NUDCD1: variants seen among roughly 807,000 people sequenced by gnomAD.
NUDCD1 encodes the protein NudC domain containing 1.
Under a neutral mutation model 67.8 loss-of-function variants are expected in NUDCD1, and 60 were observed. The observed-to-expected ratio is 0.88, with a 90% confidence interval of 0.72 to 1.10. NUDCD1 has a LOEUF of 1.10. NUDCD1 is among the 50% of genes least tolerant of loss of function. The probability of loss-of-function intolerance (pLI) is 0.00; values close to 1 mark genes in which losing one functional copy is unlikely to be tolerated. For missense variants in NUDCD1, 643 were observed against 695.0 expected (o/e 0.93, Z 0.84); for synonymous variants, 244 against 230.8 (o/e 1.06, Z -0.52).
intron 6 of NUDCD1, among the ~76,000 whole-genome samples, chr8:109,279,430 C>T (rs933222173): frequency 6.6e-6 from 1 of 152,034 alleles, no homozygotes; most frequent in Non-Finnish European, 1.5e-5. Flanking sequence ...AATAATTTGA[C>T]CATTTAAAAA....
In NUDCD1 at chr8:109,314,739, T is replaced by C. The variant is rs1031030844; in HGVS notation, c.273+7570A>G. On this transcript the variant is annotated intron_variant, in intron 2 of 9. Transcript: ENST00000239690. ...TGCCTGGGTCAATATAGATGTAATA[T>C]AAAAATTATAATGCCCATATATTAT... Among the ~76,000 whole-genome samples the C allele has an allele frequency of 7.2e-5, 11 of 152,024 alleles. No individual in the cohort carries two copies. The South Asian group carries it at 2.3e-3, about 32-fold the overall frequency.
intron 1 of NUDCD1, among the ~76,000 whole-genome samples, chr8:109,331,515 CAAA>C (rs59203626): frequency 1.4e-3 from 90 of 65,866 alleles, no homozygotes; most frequent in African/African-American, 3.9e-3. Flanking sequence ...GACTCAGACT[CAAA>C]AAAAAAAAAA....
At position 109,244,012 on chromosome 8, in the gene NUDCD1, T is replaced by C. The variant is rs549484540; in HGVS notation, c.1460-711A>G. ...TTTTGGATTAAAACAACATTTATATTCCAAAATATAAATTATGATTTTTAG... is the reference window on the plus strand; with the variant it reads ...TTTTGGATTAAAACAACATTTATATCCCAAAATATAAATTATGATTTTTAG... On this transcript the variant is annotated intron_variant, in intron 9 of 9. Transcript: ENST00000239690. Among the ~76,000 whole-genome samples, 100 of 152,238 alleles carry C rather than the reference T, an allele frequency of 6.6e-4. 1 individual carries two copies. Among genetic ancestry groups the C allele is most frequent in the Middle Eastern group, 3.4e-3 (1 of 294 alleles).
At chr8:109,314,056 C>A (rs1461924187) in intron 2 of NUDCD1, among the ~76,000 whole-genome samples, 2 of 152,088 alleles carry the variant, frequency 1.3e-5, no homozygotes, top group South Asian at 4.1e-4. Context: ...AATAAAATAT[C>A]TTTTTCTCTA....
intron 8 of NUDCD1, among the ~76,000 whole-genome samples, chr8:109,267,605 T>C (rs1375254540): frequency 1.3e-5 from 2 of 152,068 alleles, no homozygotes; most frequent in Admixed American, 6.6e-5. Context: ...AAAAAGAAAG[T>C]TTGGTTTAAA....
intron 2 of NUDCD1, among the ~76,000 whole-genome samples, chr8:109,312,288 G>C (rs1048303753): frequency 8.5e-6 from 1 of 118,004 alleles, no homozygotes; most frequent in East Asian, 2.4e-4. Context: ...GCAACAGAGC[G>C]AGACACTGTC....
Position 109,276,968 on chromosome 8 carries a change from A to G in NUDCD1, c.1029-1472T>C, listed in dbSNP as rs115190339. On this transcript the variant is annotated intron_variant, in intron 6 of 9. Transcript: ENST00000239690. ...GTGAGCCACCGTGCCCAGCCCCCAG[A>G]CTGAGTTACATTTTCTAAGGATAAA... Among the ~76,000 whole-genome samples, 490 of 152,206 alleles carry G rather than the reference A, an allele frequency of 3.2e-3. 3 individuals carry two copies. Among genetic ancestry groups the G allele is most frequent in the African/African-American group, 0.011 (451 of 41,504 alleles).
chr8:109,284,114 G>A (rs1563671296), intron 5 of NUDCD1, among the ~76,000 whole-genome samples: 1 of 151,988 alleles, frequency 6.6e-6, no homozygotes, highest in Non-Finnish European at 1.5e-5. Context: ...CTATGCAAAT[G>A]GAAAACAGAA....
At position 109,241,763 on chromosome 8, in the gene NUDCD1, G is replaced by C. The variant is rs1053262343; in HGVS notation, c.*1246C>G. On this transcript the variant is annotated 3_prime_UTR_variant, in exon 10 of 10. Coordinates refer to ENST00000239690, the MANE Select transcript of NUDCD1 (RefSeq NM_032869.4). ...CAAATACTTGCCCAGACAGGCAAAA[G>C]ATATGTTAGGAACAAAGCTTTTCTA... 4.2e-6 allele frequency: 1 copy of C among 240,270 alleles called. No homozygotes were observed. The highest frequency in any genetic ancestry group is 7.9e-6 in the Non-Finnish European group (1 of 126,874). 14.9% of individuals were successfully genotyped at this position (240,270 alleles called of 1,614,324 possible). A position where few individuals can be genotyped will look rare whatever the true frequency, so the allele number is the denominator to read the frequency against.
intron 5 of NUDCD1, among the ~76,000 whole-genome samples, chr8:109,288,282 A>G (rs907543082): frequency 1.3e-5 from 2 of 152,160 alleles, no homozygotes; most frequent in African/African-American, 4.8e-5. Flanking sequence ...CTGTCTTGGA[A>G]CTGCATGGTT....
At chr8:109,293,632 T>C in intron 3 of NUDCD1, 108 bp from the exon 4 acceptor site, 1 of 499,146 alleles carries the variant, frequency 2.0e-6, no homozygotes, top group Non-Finnish European at 3.3e-6. Flanking sequence ...TTTTGGATAC[T>C]ATTTATTACA....
intron 3 of NUDCD1, 83 bp downstream of exon 3, chr8:109,296,301 T>C: frequency 9.0e-7 from 1 of 1,117,136 alleles, no homozygotes; most frequent in Non-Finnish European, 1.3e-6. Flanking sequence ...TAAACCATCC[T>C]TGAAAAGTGT....
intron 2 of NUDCD1, among the ~76,000 whole-genome samples, chr8:109,302,792 C>T (rs971521701): frequency 3.9e-4 from 60 of 152,272 alleles, no homozygotes; most frequent in East Asian, 1.9e-4. Flanking sequence ...GACGCTTTAC[C>T]GCCCTAGACC....
Position 109,293,370 on chromosome 8 carries a change from C to T in NUDCD1, c.614G>A (p.Trp205Ter). 2 of 1,572,278 alleles carry T rather than the reference C, an allele frequency of 1.3e-6. No individual in the cohort carries two copies. The highest frequency in any genetic ancestry group is 1.7e-6 in the Non-Finnish European group (2 of 1,161,344). ...TTGATTTTTCTTACTGATAGTGACC[C>T]ACTCCAGAGAAACATAGAAACCACT... ...KGSGFYVSLE[W>*]VTISKKNQDN... The change falls in exon 4 of 10, where the codon TGG (tryptophan) becomes TAG (stop). Residue 205 changes from tryptophan to a stop codon, truncating the protein, a stop_gained. Transcript: ENST00000239690. LOFTEE classifies it high-confidence loss of function.
At chr8:109,314,735 A>T (rs138506070) in intron 2 of NUDCD1, among the ~76,000 whole-genome samples, 1 of 152,128 alleles carries the variant, frequency 6.6e-6, no homozygotes, top group Admixed American at 6.5e-5. Flanking sequence ...ATATAGATGT[A>T]ATATAAAAAT....
At chr8:109,309,219 C>G (rs1815181273) in intron 2 of NUDCD1, among the ~76,000 whole-genome samples, 1 of 152,148 alleles carries the variant, frequency 6.6e-6, no homozygotes, top group Non-Finnish European at 1.5e-5. Flanking sequence ...TAACAAAATA[C>G]TAGCTAACTG....
At position 109,334,025 on chromosome 8, in the gene NUDCD1, G is replaced by C; in HGVS notation, c.-15C>G. ...GCCACCTCCATCGCTTTCCAGGGCC[G>C]CAGCGTGAGAATTAATAAAGCCCTT... On this transcript the variant is annotated 5_prime_UTR_variant, in exon 1 of 10. Transcript: ENST00000239690. 6.2e-7 allele frequency: 1 copy of C among 1,613,942 alleles called. No individual in the cohort carries two copies. The highest frequency in any genetic ancestry group is 8.5e-7 in the Non-Finnish European group (1 of 1,179,932).
intron 1 of NUDCD1, among the ~76,000 whole-genome samples, chr8:109,326,452 T>A (rs1414778315): frequency 6.6e-6 from 1 of 152,192 alleles, no homozygotes; most frequent in East Asian, 1.9e-4. Flanking sequence ...TCTTAGCTAC[T>A]GGCAGAGCTC....
intron 8 of NUDCD1, among the ~76,000 whole-genome samples, chr8:109,246,196 C>T (rs1361827995): frequency 6.6e-6 from 1 of 152,160 alleles, no homozygotes; most frequent in Admixed American, 6.5e-5. Context: ...TATAAGCAGA[C>T]TATTTTTAGG....
Sources: gnomAD v4.1 joint callset for allele counts (sites outside exome capture counted in the v4.1 genomes callset) on GRCh38, gnomAD v4.1.1 for gene constraint, MANE v1.5 for transcripts, NCBI Gene and HGNC (gene_info 2026-07-23, HGNC 2026-07-21) for gene names.